The following ENAH variants were observed in gnomAD, a reference collection of about 807,000 sequenced individuals.
ENAH encodes the protein ENAH actin regulator, also known as protein enabled homolog.
Under a neutral mutation model 78.7 loss-of-function variants are expected in ENAH, and 23 were observed. The ratio of observed to expected loss-of-function variants is 0.29; its 90% CI spans 0.21 to 0.41. The LOEUF (loss-of-function observed/expected upper bound fraction) is 0.41, where lower values mean the gene tolerates loss of function less well. ENAH is among the 10% of genes least tolerant of loss of function. The pLI, the probability that ENAH is intolerant of heterozygous loss-of-function variation, is 1.00. For synonymous variants in ENAH, 226 were observed against 241.0 expected, an observed-to-expected ratio of 0.94 and a Z score of 0.58; for missense variants, 544 against 691.0, an observed-to-expected ratio of 0.79 and a Z score of 2.39.
intron 2 of ENAH, among the ~76,000 whole-genome samples, chr1:225,564,758 GC>G: frequency 6.6e-6 from 1 of 151,888 alleles, no homozygotes; most frequent in East Asian, 1.9e-4. Flanking sequence ...CAATGAAGCA[GC>G]TTTTGTATTA....
chr1:225,638,417 C>T (rs1350005588), intron 1 of ENAH, among the ~76,000 whole-genome samples: 1 of 152,176 alleles, frequency 6.6e-6, no homozygotes. Flanking sequence ...CCTCGGCCTC[C>T]CAAACTGCTG....
At chr1:225,618,980 G>T (rs574962537) in intron 1 of ENAH, among the ~76,000 whole-genome samples, 16 of 152,178 alleles carry the variant, frequency 1.1e-4, no homozygotes, top group African/African-American at 3.9e-4. Flanking sequence ...CCCCTACAAT[G>T]GCTTACCTTC....
chr1:225,572,118 C>T (rs903380139), intron 1 of ENAH, among the ~76,000 whole-genome samples: 2 of 152,040 alleles, frequency 1.3e-5, no homozygotes, highest in African/African-American at 4.8e-5. Context: ...AGCCCTTAAC[C>T]TATGGGGTCT....
chr1:225,512,600 TG>T lies in ENAH; in HGVS notation c.1422+56del, dbSNP rs1279375073. The T allele has an allele frequency of 2.0e-6, 3 of 1,506,928 alleles. No individual in the cohort carries two copies. The African/African-American group carries it at 4.2e-5, about 21-fold the overall frequency. 93.3% of individuals were successfully genotyped at this position (1,506,928 alleles called of 1,614,324 possible). A position where few individuals can be genotyped will look rare whatever the true frequency, so the allele number is the denominator to read the frequency against. ...ATAAATGCTGACACTATTTCCTGAA[TG>T]AGCTGTGCCTGAATTCCATATTTTA... is the stretch of plus-strand genomic sequence containing the variant. On this transcript the variant is annotated intron_variant, in intron 9 of 13. Transcript: ENST00000366843.
intron 3 of ENAH, among the ~76,000 whole-genome samples, chr1:225,547,038 G>A (rs541516439): frequency 1.2e-3 from 180 of 151,826 alleles, no homozygotes; most frequent in Non-Finnish European, 2.2e-3. Flanking sequence ...ATACTTTCCC[G>A]GAGACATCTA....
chr1:225,619,387 T>G (rs2148232090), intron 1 of ENAH, among the ~76,000 whole-genome samples: 1 of 152,098 alleles, frequency 6.6e-6, no homozygotes, highest in Non-Finnish European at 1.5e-5. Context: ...TACTAAAAAA[T>G]ACTAAAATTA....
chr1:225,560,029 T>C (rs1242183840), intron 2 of ENAH, among the ~76,000 whole-genome samples: 2 of 152,132 alleles, frequency 1.3e-5, no homozygotes, highest in African/African-American at 4.8e-5. Context: ...GCTCTGTAAC[T>C]TGGCCAAAGG....
chr1:225,571,087 G>C (rs1465271649), intron 1 of ENAH, among the ~76,000 whole-genome samples: 1 of 150,670 alleles, frequency 6.6e-6, no homozygotes, highest in Non-Finnish European at 1.5e-5. Flanking sequence ...GGATTCAAAA[G>C]TTGCACTTGG....
intron 13 of ENAH, 86 bp from the exon 14 acceptor site, chr1:225,497,898 T>A: frequency 8.2e-7 from 1 of 1,215,396 alleles, no homozygotes; most frequent in Non-Finnish European, 1.2e-6. Flanking sequence ...ACTTTAAGGA[T>A]TGTGCTCAAA....
Position 225,516,881 on chromosome 1 carries a change from CA to C in ENAH, c.913+314del, listed in dbSNP as rs537786721. Among the ~76,000 whole-genome samples, 318 of 113,856 alleles carry C rather than the reference CA, an allele frequency of 2.8e-3. 1 individual carries two copies. The highest frequency in any genetic ancestry group is 5.0e-3 in the African/African-American group (151 of 30,176). 74.7% of individuals were successfully genotyped at this position (113,856 alleles called of 152,430 possible). On this transcript the variant is annotated intron_variant, in intron 6 of 13. Transcript: ENST00000366843. Reference sequence around the variant, plus strand: ...ACAGCAAGACTCTGTCTCAAAAAAACAAAAAAAAAAAAGAAAAAAATAAAGA... The same window carrying C: ...ACAGCAAGACTCTGTCTCAAAAAAACAAAAAAAAAAAGAAAAAAATAAAGA...
chr1:225,652,667 C>CG lies in ENAH; in HGVS notation c.5+18dup. On this transcript the variant is annotated intron_variant, in intron 1 of 13. Transcript: ENST00000366843. The stretch of plus-strand genomic sequence containing the variant: ...GCGGCACAATGGCCCGCCCGGCCCC[C>CG]GCCCCGCGCGCCCCTCACCTCATGG... The CG allele has an allele frequency of 1.6e-6, 2 of 1,276,246 alleles. No homozygotes were observed. Among genetic ancestry groups the CG allele is most frequent in the Non-Finnish European group, 2.0e-6 (2 of 1,011,030 alleles). 79.1% of individuals were successfully genotyped at this position (1,276,246 alleles called of 1,614,324 possible). A position where few individuals can be genotyped will look rare whatever the true frequency, so the allele number is the denominator to read the frequency against.
chr1:225,555,111 C>A, intron 2 of ENAH, 28 bp from the exon 3 acceptor site: 1 of 1,489,424 alleles, frequency 6.7e-7, no homozygotes, highest in South Asian at 1.4e-5. Flanking sequence ...TTTATAAAGT[C>A]AAACCAATAA....
rs1303329821 is a variant in ENAH at position 225,487,420 on chromosome 1, T to C, written c.*10355A>G. ...TTCCTGACAATGAGATCCTGTTTAATTCAGATTTTCAAACAACTTGAGTCA... is the reference window on the plus strand; with the variant it reads ...TTCCTGACAATGAGATCCTGTTTAACTCAGATTTTCAAACAACTTGAGTCA... On this transcript the variant is annotated 3_prime_UTR_variant, in exon 14 of 14. Coordinates refer to ENST00000366843, the MANE Select transcript of ENAH (RefSeq NM_018212.6). The C allele has an allele frequency of 6.6e-6, 1 of 152,208 alleles. No homozygotes were observed. Among genetic ancestry groups the C allele is most frequent in the African/African-American group, 2.4e-5 (1 of 41,456 alleles). The allele number at this position is 152,208 out of a possible 1,614,324, so 9.4% of individuals were successfully genotyped here. A position where few individuals can be genotyped will look rare whatever the true frequency, so the allele number is the denominator to read the frequency against.
At chr1:225,570,157 C>G (rs2151530459) in intron 1 of ENAH, among the ~76,000 whole-genome samples, 1 of 137,164 alleles carries the variant, frequency 7.3e-6, no homozygotes, top group South Asian at 2.4e-4. Context: ...GGTGACAGAG[C>G]AATGCTCCAT....
chr1:225,620,072 C>A (rs945484324), intron 1 of ENAH, among the ~76,000 whole-genome samples: 1 of 152,002 alleles, frequency 6.6e-6, no homozygotes, highest in Non-Finnish European at 1.5e-5. Context: ...TGAGAACGTA[C>A]TAGCCCTCAT....
At chr1:225,610,483 G>A (rs1008584969) in intron 1 of ENAH, among the ~76,000 whole-genome samples, 3 of 151,984 alleles carry the variant, frequency 2.0e-5, no homozygotes, top group Non-Finnish European at 4.4e-5. Context: ...AGAAAAGAAC[G>A]ATAGGTCCCC....
intron 1 of ENAH, among the ~76,000 whole-genome samples, chr1:225,638,932 A>C (rs1660537984): frequency 6.6e-6 from 1 of 152,212 alleles, no homozygotes; most frequent in Non-Finnish European, 1.5e-5. Flanking sequence ...AATATCCGCT[A>C]ATGAACTAAA....
chr1:225,555,209 C>T, intron 2 of ENAH, 126 bp from the exon 3 acceptor site: 1 of 699,060 alleles, frequency 1.4e-6, no homozygotes, highest in Non-Finnish European at 2.2e-6. Flanking sequence ...ATTGCTTAAA[C>T]AATTATCTGG....
chr1:225,567,289 T>A lies in ENAH; in HGVS notation c.131A>T (p.Asn44Ile). Residue 44 changes from asparagine to isoleucine, a missense_variant, in exon 2 of 14, where the codon AAC becomes ATC. Asn to Ile is a moderately radical substitution (Grantham distance 149). Transcript: ENST00000366843. ...CTTCCTGCCCACCACTCTGAATGTG[T>A]TGTTGCCTGTATGGTGATAGATATG... is the stretch of plus-strand genomic sequence containing the variant. Reference protein sequence around the residue: ...RVHIYHHTGNNTFRVVGRKIQ... With the variant: ...RVHIYHHTGNITFRVVGRKIQ... 6.2e-7 allele frequency: 1 copy of A among 1,614,130 alleles called. No homozygotes were observed. The highest frequency in any genetic ancestry group is 8.5e-7 in the Non-Finnish European group (1 of 1,180,006).
Sources: gnomAD v4.1 joint callset for allele counts (sites outside exome capture counted in the v4.1 genomes callset) on GRCh38, gnomAD v4.1.1 for gene constraint, MANE v1.5 for transcripts, NCBI Gene and HGNC (gene_info 2026-07-23, HGNC 2026-07-21) for gene names.